Variants in PDE10A observed in about 807,000 individuals in gnomAD.
PDE10A encodes cAMP and cAMP-inhibited cGMP 3',5'-cyclic phosphodiesterase 10A.
Under a neutral mutation model 97.7 loss-of-function variants are expected in PDE10A, and 39 were observed. The ratio of observed to expected loss-of-function variants is 0.40; its 90% CI spans 0.31 to 0.52. The LOEUF is 0.52. PDE10A is among the 20% of genes least tolerant of loss of function. The pLI is 0.56. For missense variants in PDE10A, 731 were observed against 1,047.8 expected (o/e 0.70, Z 4.17); for synonymous variants, 371 against 376.8 (o/e 0.98, Z 0.18).
intron 1 of PDE10A, among the ~76,000 whole-genome samples, chr6:165,937,850 T>G (rs1783385801): frequency 6.6e-6 from 1 of 152,174 alleles, no homozygotes; most frequent in South Asian, 2.1e-4. Flanking sequence ...TTCTAATAAA[T>G]GCTAACCAAA....
chr6:165,814,455 ATT>A lies in PDE10A; in HGVS notation c.-615+173072_-615+173073del, dbSNP rs34985790. Among the ~76,000 whole-genome samples the A allele has an allele frequency of 3.1e-3, 468 of 151,558 alleles. 4 individuals carry two copies. The East Asian group carries it at 0.052, about 17-fold the overall frequency. Reference sequence around the variant, plus strand: ...TTTGGAAATTTTTTATCCTAAAGGTATTTTTTTTTTCTTTCTTTCTCCACTCA... The same window carrying A: ...TTTGGAAATTTTTTATCCTAAAGGTATTTTTTTTCTTTCTTTCTCCACTCA... On this transcript the variant is annotated intron_variant, in intron 1 of 19. Transcript: ENST00000366882.
intron 1 of PDE10A, among the ~76,000 whole-genome samples, chr6:165,602,921 C>A (rs972045846): frequency 1.3e-5 from 2 of 152,154 alleles, no homozygotes; most frequent in Non-Finnish European, 2.9e-5. Context: ...TTGTTCTATG[C>A]TAGACAGACT....
At chr6:165,543,707 G>A in intron 1 of PDE10A, 139 bp from the exon 2 acceptor site, 1 of 596,112 alleles carries the variant, frequency 1.7e-6, no homozygotes, top group Non-Finnish European at 2.7e-6. Flanking sequence ...GCGGGAAGGG[G>A]AAGCTACTGC....
chr6:165,958,109 G>A (rs1005708112), intron 1 of PDE10A, among the ~76,000 whole-genome samples: 2 of 152,200 alleles, frequency 1.3e-5, no homozygotes, highest in African/African-American at 2.4e-5. Context: ...CTTAGCAAGA[G>A]AGACAAAACA....
rs564381575 is a variant in PDE10A at position 165,588,011 on chromosome 6, T to A, written c.866-44443A>T. Among the ~76,000 whole-genome samples, 3 of 152,346 alleles carry A rather than the reference T, an allele frequency of 2.0e-5. No individual in the cohort carries two copies. The East Asian group carries it at 5.8e-4, about 29-fold the overall frequency. ...CTCCAATAAAACTAGATGACTCTATTCTATTTTAACCAGTATTAGCCTTTG... is the reference window on the plus strand; with the variant it reads ...CTCCAATAAAACTAGATGACTCTATACTATTTTAACCAGTATTAGCCTTTG... On this transcript the variant is annotated intron_variant, in intron 1 of 21. Transcript: ENST00000539869.
At chr6:165,930,371 A>G (rs886652646) in intron 1 of PDE10A, among the ~76,000 whole-genome samples, 1 of 152,206 alleles carries the variant, frequency 6.6e-6, no homozygotes, top group Non-Finnish European at 1.5e-5. Context: ...GTGGGTGGCC[A>G]CCCAGCAGGC....
intron 5 of PDE10A, among the ~76,000 whole-genome samples, chr6:165,447,752 A>T (rs1186201721): frequency 6.6e-6 from 1 of 152,236 alleles, no homozygotes; most frequent in Admixed American, 6.5e-5. Flanking sequence ...GAATAATGCA[A>T]ATTAATAAAC....
At chr6:165,831,837 T>G (rs1276946865) in intron 1 of PDE10A, among the ~76,000 whole-genome samples, 1 of 152,144 alleles carries the variant, frequency 6.6e-6, no homozygotes, top group Non-Finnish European at 1.5e-5. Flanking sequence ...GCCTTTTTAA[T>G]ACTGTTTTCT....
intron 1 of PDE10A, among the ~76,000 whole-genome samples, chr6:165,595,478 C>T (rs764884292): frequency 9.2e-5 from 14 of 152,268 alleles, no homozygotes; most frequent in African/African-American, 1.9e-4. Flanking sequence ...ATTGAACATG[C>T]GACATACCCA....
chr6:165,601,009 C>G (rs568997155), intron 1 of PDE10A, among the ~76,000 whole-genome samples: 1 of 152,320 alleles, frequency 6.6e-6, no homozygotes, highest in African/African-American at 2.4e-5. Context: ...ACCCAAATCT[C>G]AACTTGAATT....
At chr6:165,804,291 TGTA>T (rs893684706) in intron 1 of PDE10A, among the ~76,000 whole-genome samples, 1 of 152,166 alleles carries the variant, frequency 6.6e-6, no homozygotes, top group African/African-American at 2.4e-5. Flanking sequence ...ATCCTCAAAT[TGTA>T]GTATTTTCTT....
intron 2 of PDE10A, among the ~76,000 whole-genome samples, chr6:165,500,353 G>T (rs573968912): frequency 6.6e-6 from 1 of 152,246 alleles, no homozygotes; most frequent in African/African-American, 2.4e-5. Flanking sequence ...ACTCCATTTT[G>T]TTCTGTACTA....
intron 1 of PDE10A, among the ~76,000 whole-genome samples, chr6:165,944,844 C>T (rs1419175794): frequency 6.6e-6 from 1 of 152,126 alleles, no homozygotes; most frequent in Non-Finnish European, 1.5e-5. Flanking sequence ...AAAAAAGTAT[C>T]TTCTATACTT....
At chr6:165,777,621 A>G (rs983404760) in intron 1 of PDE10A, among the ~76,000 whole-genome samples, 2 of 152,230 alleles carry the variant, frequency 1.3e-5, no homozygotes, top group Non-Finnish European at 2.9e-5. Flanking sequence ...TCTTGGGGGG[A>G]AAATGCCGGC....
At chr6:165,980,786 C>T (rs1784991164) in intron 1 of PDE10A, among the ~76,000 whole-genome samples, 1 of 151,946 alleles carries the variant, frequency 6.6e-6, no homozygotes, top group Non-Finnish European at 1.5e-5. Context: ...ATGATACATG[C>T]AATATATAAT....
In PDE10A at chr6:165,375,512, A is replaced by C. The variant is rs183415494; in HGVS notation, c.2783+3682T>G. Among the ~76,000 whole-genome samples, 505 of 152,322 alleles carry C rather than the reference A, an allele frequency of 3.3e-3. 4 individuals are homozygous for C. The highest frequency in any genetic ancestry group is 0.011 in the African/African-American group (471 of 41,574). On this transcript the variant is annotated intron_variant, in intron 18 of 21. Transcript: ENST00000539869. ...GAGATTGGTTCGAGAGGTTTAAAGC[A>C]AGGTAAAAAGTGCAAGCTGAAGCAG...
At chr6:165,706,958 A>G (rs1791725127) in intron 1 of PDE10A, among the ~76,000 whole-genome samples, 1 of 152,218 alleles carries the variant, frequency 6.6e-6, no homozygotes, top group Non-Finnish European at 1.5e-5. Context: ...GTGATTTTGA[A>G]TTTACTTAAG....
intron 1 of PDE10A, among the ~76,000 whole-genome samples, chr6:165,829,549 C>T (rs1186052958): frequency 6.6e-6 from 1 of 152,220 alleles, no homozygotes; most frequent in African/African-American, 2.4e-5. Flanking sequence ...CCATCAGGAA[C>T]CGGGCAGGTG....
chr6:165,346,778 AAAG>A (rs1401131157), intron 18 of PDE10A, among the ~76,000 whole-genome samples: 2 of 152,216 alleles, frequency 1.3e-5, no homozygotes, highest in Non-Finnish European at 2.9e-5. Flanking sequence ...TTTTGTTGGA[AAAG>A]AAGAAACACC....
Sources: allele counts gnomAD v4.1 joint callset (sites outside exome capture counted in the v4.1 genomes callset), GRCh38; gene constraint gnomAD v4.1.1; transcripts MANE v1.5; gene names NCBI Gene and HGNC (gene_info 2026-07-23, HGNC 2026-07-21).